FCHO2: variants seen among roughly 807,000 people sequenced by gnomAD.
FCHO2 encodes the protein F-BAR domain only protein 2.
A neutral mutation model predicts 114.1 loss-of-function variants in FCHO2; 43 were observed. That is an observed-to-expected ratio of 0.38 (90% CI 0.30 to 0.49). The LOEUF (loss-of-function observed/expected upper bound fraction) is 0.49, where lower values mean the gene tolerates loss of function less well. Ranked by LOEUF, FCHO2 falls within the 20% of genes least tolerant of loss-of-function variation. The pLI, the probability that FCHO2 is intolerant of heterozygous loss-of-function variation, is 0.97. For missense variants in FCHO2, 807 were observed against 950.4 expected, an observed-to-expected ratio of 0.85 and a Z score of 1.98; for synonymous variants, 293 against 315.2, an observed-to-expected ratio of 0.93 and a Z score of 0.75.
rs757866437 is a variant in FCHO2, at chr5:73,037,123, A to G, written c.842-20A>G. On this transcript the variant is annotated intron_variant, in intron 9 of 25. Transcript: ENST00000430046. ...TCAGGAATGTTTATGTTTCTGTAAC[A>G]ATATATATTTATTTTAAAGGTATAA... is the stretch of plus-strand genomic sequence containing the variant. 1.1e-5 allele frequency: 16 copies of G among 1,447,326 alleles called. No individual in the cohort carries two copies. The Admixed American group carries it at 1.3e-4, about 12-fold the overall frequency. 89.7% of individuals were successfully genotyped at this position (1,447,326 alleles called of 1,614,324 possible).
At chr5:73,015,920 G>T (rs1232712603) in intron 7 of FCHO2, among the ~76,000 whole-genome samples, 196 bp downstream of exon 7, 1 of 151,840 alleles carries the variant, frequency 6.6e-6, no homozygotes, top group Non-Finnish European at 1.5e-5. Context: ...GGCCACCGAG[G>T]ATGATAATTC....
chr5:72,965,890 G>T (rs543088951), intron 1 of FCHO2, among the ~76,000 whole-genome samples: 1 of 152,182 alleles, frequency 6.6e-6, no homozygotes, highest in Non-Finnish European at 1.5e-5. Context: ...TATTTTTGAG[G>T]TGGTTTAGAG....
intron 8 of FCHO2, among the ~76,000 whole-genome samples, chr5:73,023,883 T>A (rs1474016202): frequency 6.6e-6 from 1 of 152,200 alleles, no homozygotes; most frequent in African/African-American, 2.4e-5. Flanking sequence ...TTATTCATCA[T>A]AATGTCCTAC....
At position 73,001,786 on chromosome 5, in the gene FCHO2, A is replaced by C. The variant is rs192431536; in HGVS notation, c.496-4659A>C. Among the ~76,000 whole-genome samples the C allele has an allele frequency of 7.4e-4, 112 of 152,120 alleles. 1 individual carries two copies. The highest frequency in any genetic ancestry group is 3.4e-4 in the Non-Finnish European group (23 of 67,996). On this transcript the variant is annotated intron_variant, in intron 5 of 25. Coordinates refer to ENST00000430046, the MANE Select transcript of FCHO2 (RefSeq NM_138782.3). ...AGCCCATCTCTACAAAAAAAGAAAA[A>C]AAATTAGCCAGGCGTAGTGGCATGT...
chr5:73,010,353 T>C (rs1754938019), intron 6 of FCHO2, among the ~76,000 whole-genome samples: 1 of 152,210 alleles, frequency 6.6e-6, no homozygotes, highest in African/African-American at 2.4e-5. Flanking sequence ...ATGAGACACT[T>C]GAAACAGAAT....
At chr5:72,989,203 GT>G (rs557726300) in intron 2 of FCHO2, among the ~76,000 whole-genome samples, 237 of 151,882 alleles carry the variant, frequency 1.6e-3, no homozygotes, top group Non-Finnish European at 2.3e-3. Context: ...GAGCAAGACT[GT>G]TTTAAAAAAA....
intron 2 of FCHO2, 23 bp downstream of exon 2, chr5:72,968,612 A>G (rs1016742817): frequency 2.1e-6 from 3 of 1,459,290 alleles, no homozygotes; most frequent in Non-Finnish European, 2.7e-6. Context: ...TAAATAAGTA[A>G]TTTGTTTAAC....
chr5:72,956,067 G>A lies in FCHO2; in HGVS notation c.-30G>A, dbSNP rs1471500546. ...TGTTTACACAGCGGCGGGCGGGCGC[G>A]GACGCGGAACCCGGCGCGGCGGCGG... On this transcript the variant is annotated 5_prime_UTR_variant, in exon 1 of 26. Coordinates refer to ENST00000430046, the MANE Select transcript of FCHO2 (RefSeq NM_138782.3). 1.3e-6 allele frequency: 2 copies of A among 1,539,388 alleles called. No homozygotes were observed. Among genetic ancestry groups the A allele is most frequent in the Non-Finnish European group, 1.8e-6 (2 of 1,142,170 alleles).
chr5:73,077,602 G>A (rs1742955247), intron 21 of FCHO2, 109 bp downstream of exon 21: 2 of 1,198,282 alleles, frequency 1.7e-6, no homozygotes, highest in African/African-American at 1.5e-5. Context: ...GGCTGAGGCA[G>A]GTGGATTGCT....
intron 8 of FCHO2, among the ~76,000 whole-genome samples, chr5:73,021,883 A>T (rs6873431): frequency 0.14 from 21,783 of 152,172 alleles, 1,788 homozygotes; most frequent in East Asian, 0.35. Flanking sequence ...ATGTTTAGTG[A>T]GCTCTTACTG....
chr5:73,039,858 G>A (rs1756720741), intron 10 of FCHO2, among the ~76,000 whole-genome samples: 2 of 151,478 alleles, frequency 1.3e-5, no homozygotes, highest in African/African-American at 4.9e-5. Flanking sequence ...AACCTGGAAG[G>A]CCGAAGTTGC....
chr5:73,014,281 T>TTTTTTC (rs1755178013), intron 6 of FCHO2, among the ~76,000 whole-genome samples: 2 of 151,228 alleles, frequency 1.3e-5, no homozygotes, highest in African/African-American at 2.4e-5. Flanking sequence ...CTTTTTTCTT[T>TTTTTTC]TTTTTCTTTT....
chr5:72,975,548 A>G (rs1224487385), intron 2 of FCHO2, among the ~76,000 whole-genome samples: 1 of 152,028 alleles, frequency 6.6e-6, no homozygotes, highest in African/African-American at 2.4e-5. Flanking sequence ...TACCCAGCCC[A>G]GGCTGGAGTG....
intron 2 of FCHO2, among the ~76,000 whole-genome samples, chr5:72,979,493 G>A (rs1217471566): frequency 3.9e-5 from 5 of 128,552 alleles, no homozygotes; most frequent in Admixed American, 1.9e-4. Flanking sequence ...CCGGGTTCAC[G>A]CCATTCTCCT....
chr5:73,005,710 T>A lies in FCHO2; in HGVS notation c.496-735T>A, dbSNP rs116329107. On this transcript the variant is annotated intron_variant, in intron 5 of 25. Coordinates refer to ENST00000430046, the MANE Select transcript of FCHO2 (RefSeq NM_138782.3). ...CCTTTCTCAAATGCCTATCTTCTTA[T>A]AATTTACCTTAACTTCTGTGGCTGT... is the stretch of plus-strand genomic sequence containing the variant. Among the ~76,000 whole-genome samples, 382 of 152,324 alleles carry A rather than the reference T, an allele frequency of 2.5e-3. 3 individuals are homozygous for A. The highest frequency in any genetic ancestry group is 8.6e-3 in the African/African-American group (359 of 41,590).
chr5:72,966,298 G>T (rs985477510), intron 1 of FCHO2, among the ~76,000 whole-genome samples: 1 of 152,138 alleles, frequency 6.6e-6, no homozygotes, highest in Non-Finnish European at 1.5e-5. Flanking sequence ...AAAGTTCACC[G>T]AAGGAGAAGT....
In FCHO2 at chr5:73,087,577, T is replaced by G; in HGVS notation, c.2246-12T>G. ...TTTACCCTGTGTAAGTGCTTTATTC[T>G]TTTCTTTGTAGGTTCTGGGTCCCTC... is the stretch of plus-strand genomic sequence containing the variant. On this transcript the variant is annotated splice_polypyrimidine_tract_variant and intron_variant, in intron 24 of 25. Transcript: ENST00000430046. 1 of 1,613,032 alleles carries G rather than the reference T, an allele frequency of 6.2e-7. No homozygotes were observed. Among genetic ancestry groups the G allele is most frequent in the Non-Finnish European group, 8.5e-7 (1 of 1,179,358 alleles).
chr5:73,051,383 T>G lies in FCHO2; in HGVS notation c.974T>G (p.Ile325Ser). 2 of 1,535,902 alleles carry G rather than the reference T, an allele frequency of 1.3e-6. No individual in the cohort carries two copies. The highest frequency in any genetic ancestry group is 1.8e-6 in the Non-Finnish European group (2 of 1,135,246). ...IPDVDEEGYS[I>S]KPETNQNDTK... ...GATGTAGATGAAGAAGGCTACAGTA[T>G]TAAACCAGAAACAAATCAGAATGAT... The change falls in exon 12 of 26, where the codon ATT becomes AGT. Residue 325 changes from isoleucine (I) to serine (S), a missense_variant. Transcript: ENST00000430046.
intron 9 of FCHO2, 80 bp downstream of exon 9, chr5:73,034,781 C>A: frequency 1.7e-6 from 2 of 1,159,480 alleles, no homozygotes; most frequent in Non-Finnish European, 2.4e-6. Context: ...TAAGGAGGGA[C>A]TGCTATCCCT....
Sources: allele counts gnomAD v4.1 joint callset (sites outside exome capture counted in the v4.1 genomes callset), GRCh38; gene constraint gnomAD v4.1.1; transcripts MANE v1.5; gene names NCBI Gene and HGNC (gene_info 2026-07-23, HGNC 2026-07-21).